The following UVRAG variants were observed in gnomAD, a reference collection of about 807,000 sequenced individuals.
UVRAG encodes the protein UV radiation resistance-associated gene protein.
A neutral mutation model predicts 78.0 loss-of-function variants in UVRAG; 19 were observed. The observed-to-expected ratio is 0.24, with a 90% CI of 0.17 to 0.36. The LOEUF (loss-of-function observed/expected upper bound fraction) is 0.36, where lower values mean the gene tolerates loss of function less well. UVRAG is among the 10% of genes least tolerant of loss of function. The probability of loss-of-function intolerance (pLI) is 1.00; values close to 1 mark genes in which losing one functional copy is unlikely to be tolerated. For synonymous variants in UVRAG, 323 were observed against 324.6 expected, an observed-to-expected ratio of 1.00 and a Z score of 0.05; for missense variants, 740 against 853.8, an observed-to-expected ratio of 0.87 and a Z score of 1.66.
chr11:76,048,239 G>A (rs959384771), intron 12 of UVRAG, among the ~76,000 whole-genome samples: 3 of 152,216 alleles, frequency 2.0e-5, no homozygotes, highest in Non-Finnish European at 2.9e-5. Flanking sequence ...ATGAAGCCTA[G>A]ATCCTTTTAG....
At chr11:75,935,179 G>A (rs559636405) in intron 6 of UVRAG, 1 of 152,312 alleles carries the variant, frequency 6.6e-6, no homozygotes, top group South Asian at 2.1e-4. Context: ...AGGGAAGTAA[G>A]TAGTCATTGA....
At chr11:76,016,703 T>C in intron 11 of UVRAG, 112 bp from the exon 12 acceptor site, 1 of 984,120 alleles carries the variant, frequency 1.0e-6, no homozygotes, top group South Asian at 3.3e-5. Context: ...AAGTGGTTAA[T>C]ATTTTATGTA....
chr11:76,095,924 A>C (rs1408280780), intron 13 of UVRAG, among the ~76,000 whole-genome samples: 1 of 151,350 alleles, frequency 6.6e-6, no homozygotes, highest in East Asian at 1.9e-4. Context: ...CTCTGCTTTT[A>C]CTGAGTAGCT....
At chr11:75,853,035 C>T (rs1391744016) in intron 2 of UVRAG, among the ~76,000 whole-genome samples, 1 of 152,068 alleles carries the variant, frequency 6.6e-6, no homozygotes, top group Non-Finnish European at 1.5e-5. Context: ...CTCCATCTCC[C>T]AAGTAGCTGG....
chr11:75,999,541 C>T (rs7944561), intron 8 of UVRAG, among the ~76,000 whole-genome samples: 18,816 of 151,536 alleles, frequency 0.12, 2,962 homozygotes, highest in African/African-American at 0.37. Flanking sequence ...CCACCACACC[C>T]GGCTAATTTT....
intron 3 of UVRAG, among the ~76,000 whole-genome samples, chr11:75,862,822 T>C (rs1307801265): frequency 6.6e-6 from 1 of 152,228 alleles, no homozygotes; most frequent in African/African-American, 2.4e-5. Context: ...TGCTAGAACA[T>C]AAGTTCCATG....
intron 13 of UVRAG, among the ~76,000 whole-genome samples, chr11:76,074,517 G>T (rs1951370525): frequency 1.3e-5 from 2 of 152,112 alleles, no homozygotes; most frequent in South Asian, 4.1e-4. Flanking sequence ...AAATAATAAT[G>T]ATGATTTACA....
intron 1 of UVRAG, among the ~76,000 whole-genome samples, chr11:75,837,097 A>ATCCTAGCACTTT (rs1301850319): frequency 6.6e-6 from 1 of 152,152 alleles, no homozygotes; most frequent in East Asian, 1.9e-4. Flanking sequence ...TGGGAGGCCA[A>ATCCTAGCACTTT]GGTGGGTGGA....
At chr11:75,889,893 G>C (rs1317486189) in intron 5 of UVRAG, among the ~76,000 whole-genome samples, 1 of 152,156 alleles carries the variant, frequency 6.6e-6, no homozygotes, top group African/African-American at 2.4e-5. Context: ...CTATTCTAAG[G>C]GCTCAAGAAA....
chr11:75,823,647 T>G (rs1460360574), intron 1 of UVRAG, among the ~76,000 whole-genome samples: 1 of 152,220 alleles, frequency 6.6e-6, no homozygotes, highest in Non-Finnish European at 1.5e-5. Flanking sequence ...TAACTTAAAG[T>G]CACACAGAGT....
At position 76,033,500 on chromosome 11, in the gene UVRAG, A is replaced by G. The variant is rs192688580; in HGVS notation, c.1226+16520A>G. Among the ~76,000 whole-genome samples the G allele has an allele frequency of 1.4e-3, 219 of 152,298 alleles. 1 individual carries two copies. The highest frequency in any genetic ancestry group is 2.6e-3 in the Non-Finnish European group (174 of 68,012). On this transcript the variant is annotated intron_variant, in intron 12 of 14. Transcript: ENST00000356136. ...TGAATTTAGAAAGGATTTCTTAACT[A>G]AATCACAGAAACAAGACCATATTAT...
chr11:75,878,760 C>G (rs1257206210), intron 3 of UVRAG, among the ~76,000 whole-genome samples: 1 of 152,092 alleles, frequency 6.6e-6, no homozygotes, highest in Non-Finnish European at 1.5e-5. Context: ...ACTCGGCAGG[C>G]TGAGGCAGGA....
intron 12 of UVRAG, among the ~76,000 whole-genome samples, chr11:76,020,268 C>T (rs1445747869): frequency 6.6e-6 from 1 of 152,074 alleles, no homozygotes; most frequent in African/African-American, 2.4e-5. Context: ...CCAGAAATGC[C>T]ATCCAAGAGC....
intron 11 of UVRAG, among the ~76,000 whole-genome samples, chr11:76,013,834 A>G (rs569588524): frequency 1.3e-5 from 2 of 152,298 alleles, no homozygotes; most frequent in South Asian, 2.1e-4. Flanking sequence ...TGCTTCACCC[A>G]TGGTCCTTTT....
intron 6 of UVRAG, among the ~76,000 whole-genome samples, chr11:75,952,396 A>T (rs1203469258): frequency 1.3e-5 from 2 of 150,986 alleles, no homozygotes; most frequent in African/African-American, 2.4e-5. Context: ...TTTTCTATAA[A>T]CCTTTTATCA....
At chr11:75,939,521 T>G (rs1431609129) in intron 6 of UVRAG, among the ~76,000 whole-genome samples, 1 of 152,200 alleles carries the variant, frequency 6.6e-6, no homozygotes, top group Non-Finnish European at 1.5e-5. Flanking sequence ...ACTATAGCAG[T>G]GTTCTTGAAT....
chr11:76,005,469 A>G (rs1391927650), intron 9 of UVRAG, among the ~76,000 whole-genome samples: 1 of 152,234 alleles, frequency 6.6e-6, no homozygotes, highest in African/African-American at 2.4e-5. Flanking sequence ...CAAAGCCAGG[A>G]CTAGATCCCG....
At chr11:75,996,474 G>A (rs1949709930) in intron 8 of UVRAG, among the ~76,000 whole-genome samples, 1 of 152,166 alleles carries the variant, frequency 6.6e-6, no homozygotes, top group African/African-American at 2.4e-5. Context: ...AGAGGATACT[G>A]TAGGAACACA....
chr11:75,888,705 G>A, intron 4 of UVRAG, 124 bp from the exon 5 acceptor site: 1 of 703,364 alleles, frequency 1.4e-6, no homozygotes, highest in Non-Finnish European at 2.3e-6. Context: ...CTGCTAGTAT[G>A]TTTAGATGTA....
Sources: gnomAD v4.1 joint callset for allele counts (sites outside exome capture counted in the v4.1 genomes callset) on GRCh38, gnomAD v4.1.1 for gene constraint, MANE v1.5 for transcripts, NCBI Gene and HGNC (gene_info 2026-07-23, HGNC 2026-07-21) for gene names.